The following MADD variants were observed in gnomAD, a reference collection of about 807,000 sequenced individuals.
The protein encoded by MADD is MAP kinase-activating death domain protein.
MADD carries 109 observed loss-of-function variants against 176.7 expected under a neutral mutation model. The ratio of observed to expected loss-of-function variants is 0.62; its 90% CI spans 0.53 to 0.72. The LOEUF (loss-of-function observed/expected upper bound fraction) is 0.72. MADD is among the 30% of genes least tolerant of loss of function. The pLI is 0.00. For synonymous variants in MADD, 771 were observed against 771.3 expected, an observed-to-expected ratio of 1.00 and a Z score of 0.01; for missense variants, 1,914 against 2,045.5, an observed-to-expected ratio of 0.94 and a Z score of 1.24.
intron 25 of MADD, among the ~76,000 whole-genome samples, chr11:47,310,766 G>A (rs939997071): frequency 2.0e-5 from 3 of 151,836 alleles, no homozygotes; most frequent in Admixed American, 2.0e-4. Context: ...AGTTAGCTGG[G>A]CATGGTGGCT....
intron 8 of MADD, 55 bp downstream of exon 8, chr11:47,281,808 C>G (rs2056946241): frequency 7.7e-7 from 1 of 1,291,338 alleles, no homozygotes; most frequent in Non-Finnish European, 1.0e-6. Context: ...TCTTTGCTCT[C>G]TAAGGGACCT....
chr11:47,329,416 A>G (rs1479057885), exon 33 of MADD: 2 of 481,602 alleles, frequency 4.2e-6, no homozygotes, highest in South Asian at 2.6e-5. Context: ...GCCGGTGTGA[A>G]CCCACTATTT....
exon 15 of MADD, chr11:47,286,446 G>A (rs2060719596): frequency 6.2e-7 from 1 of 1,613,976 alleles, no homozygotes; most frequent in Admixed American, 1.7e-5. Context: ...GCCTCTATCG[G>A]AACCACAGTA....
chr11:47,273,696 C>T (rs1014086032), intron 1 of MADD, 131 bp from the exon 2 acceptor site: 16 of 477,346 alleles, frequency 3.4e-5, no homozygotes, highest in East Asian at 1.3e-4. Flanking sequence ...GCTAGGCAAG[C>T]GTCAAGTTCT....
chr11:47,294,531 G>A (rs2068766083), intron 20 of MADD, among the ~76,000 whole-genome samples: 1 of 151,414 alleles, frequency 6.6e-6, no homozygotes, highest in South Asian at 2.1e-4. Flanking sequence ...TTAGCTGGGT[G>A]TGGTGGCGGG....
At chr11:47,329,230 G>T (rs1027254764) in exon 33 of MADD, 2 of 1,071,240 alleles carry the variant, frequency 1.9e-6, no homozygotes, top group South Asian at 1.3e-5. Context: ...ATGCTGCTGT[G>T]ACTGAGGAGT....
chr11:47,299,640 C>G (rs958028023), intron 22 of MADD, among the ~76,000 whole-genome samples: 2 of 82,324 alleles, frequency 2.4e-5, no homozygotes, highest in East Asian at 5.5e-4. Context: ...AGCAGTCCTT[C>G]CATCTCAGTC....
intron 22 of MADD, 44 bp downstream of exon 24, chr11:47,296,099 G>T: frequency 6.3e-7 from 1 of 1,594,752 alleles, no homozygotes; most frequent in South Asian, 1.1e-5. Context: ...TCTTTAATGG[G>T]GGAGGGAAGC....
At chr11:47,328,590 G>C (rs2095714302) in intron 31 of MADD, 68 bp from the exon 36 acceptor site, 17 of 1,608,878 alleles carry the variant, frequency 1.1e-5, no homozygotes, top group Non-Finnish European at 1.4e-5. Flanking sequence ...GCTGCCGCCT[G>C]GGGGAGCATG....
At chr11:47,321,154 C>T (rs904715804) in intron 27 of MADD, among the ~76,000 whole-genome samples, 5 of 152,204 alleles carry the variant, frequency 3.3e-5, no homozygotes, top group Admixed American at 6.5e-5. Context: ...AAGCATTTCT[C>T]TAGACTAGAA....
rs11039169 is a variant in MADD, at chr11:47,305,420, T to C, written c.3643-3171T>C. Among the ~76,000 whole-genome samples, 63 of 152,132 alleles carry C rather than the reference T, an allele frequency of 4.1e-4. No individual in the cohort carries two copies. In the East Asian group the frequency reaches 5.2e-3, roughly 13 times the overall value. On this transcript the variant is annotated intron_variant, in intron 22 of 32. Transcript: ENST00000402192. ...CCAGGGGACTGGCTCATAACTGTGA[T>C]TCTAATACTGGGGGATAGGCCATAG...
exon 6 of MADD, chr11:47,278,185 G>A (rs551964057): frequency 2.2e-5 from 36 of 1,613,592 alleles, no homozygotes; most frequent in African/African-American, 1.1e-4. Context: ...CTCCAACCCC[G>A]TACATCATTG....
At chr11:47,279,119 G>T in intron 7 of MADD, 40 bp downstream of exon 7, 1 of 1,576,580 alleles carries the variant, frequency 6.3e-7, no homozygotes, top group South Asian at 1.1e-5. Context: ...AGTATTAGAT[G>T]CTGTGGGATT....
At chr11:47,301,116 A>C (rs1383911235) in intron 22 of MADD, among the ~76,000 whole-genome samples, 2 of 136,366 alleles carry the variant, frequency 1.5e-5, no homozygotes, top group Non-Finnish European at 3.2e-5. Flanking sequence ...GTTGATTATT[A>C]ATTTATTTAT....
chr11:47,315,172 C>G (rs776358921), intron 26 of MADD, 48 bp from the exon 30 acceptor site: 1 of 1,161,134 alleles, frequency 8.6e-7, no homozygotes, highest in Non-Finnish European at 1.3e-6. Flanking sequence ...GCCCAGAGCC[C>G]TCTGAGAGGG....
At position 47,293,922 on chromosome 11, in the gene MADD, CAG is replaced by C; in HGVS notation, c.3344_3345del (p.Glu1115GlyfsTer17). The C allele has an allele frequency of 6.2e-7, 1 of 1,614,132 alleles. No homozygotes were observed. Among genetic ancestry groups the C allele is most frequent in the Non-Finnish European group, 8.5e-7 (1 of 1,180,004 alleles). ...AAACCTGTCTTTGACCTTGGTGAGA[CAG>C]AGGAGAAAAAGTCCCAGATCAGCGC... is the stretch of plus-strand genomic sequence containing the variant. On this transcript the variant is annotated frameshift_variant, in exon 20 of 33. Coordinates refer to ENST00000402192, the Ensembl canonical transcript of MADD. LOFTEE classifies it high-confidence loss of function.
At chr11:47,326,906 T>G (rs771734223) in intron 31 of MADD, 99 bp downstream of exon 35, 211 of 1,551,646 alleles carry the variant, frequency 1.4e-4, no homozygotes, top group Non-Finnish European at 1.8e-4. Flanking sequence ...AAGAAGAACC[T>G]CTGTAGAGAA....
At chr11:47,328,450 A>C (rs769837036) in intron 31 of MADD, 26 of 1,438,106 alleles carry the variant, frequency 1.8e-5, no homozygotes, top group Non-Finnish European at 2.4e-5. Flanking sequence ...CTAGCTGAGG[A>C]GGCTAGGGCC....
At chr11:47,324,743 T>G in intron 30 of MADD, 166 bp downstream of exon 33, 1 of 709,698 alleles carries the variant, frequency 1.4e-6, no homozygotes, top group Admixed American at 2.0e-5. Flanking sequence ...GAGGGCACAG[T>G]GACGTTGGCG....
Sources: gnomAD v4.1 joint callset for allele counts (sites outside exome capture counted in the v4.1 genomes callset) on GRCh38, gnomAD v4.1.1 for gene constraint, MANE v1.5 for transcripts, NCBI Gene and HGNC (gene_info 2026-07-23, HGNC 2026-07-21) for gene names.